The following SGTB variants were observed in gnomAD, a reference collection of about 807,000 sequenced individuals.
SGTB encodes the protein small glutamine-rich tetratricopeptide repeat-containing protein beta.
A neutral mutation model predicts 43.9 loss-of-function variants in SGTB; 19 were observed. The ratio of observed to expected loss-of-function variants is 0.43; its 90% confidence interval spans 0.30 to 0.63. The LOEUF is 0.63. SGTB is among the 30% of genes least tolerant of loss of function. The pLI is 0.12. For synonymous variants in SGTB, 116 were observed against 117.3 expected (o/e 0.99, Z 0.07); for missense variants, 304 against 358.9 (o/e 0.85, Z 1.24).
At chr5:65,701,659 G>A (rs1340762013) in intron 5 of SGTB, among the ~76,000 whole-genome samples, 1 of 138,178 alleles carries the variant, frequency 7.2e-6, no homozygotes, top group African/African-American at 2.7e-5. Context: ...TTGAGACAGA[G>A]TCTCACTCTG....
At chr5:65,688,955 G>A (rs970376052) in intron 5 of SGTB, among the ~76,000 whole-genome samples, 7 of 152,080 alleles carry the variant, frequency 4.6e-5, no homozygotes, top group Middle Eastern at 3.4e-3. Context: ...GATTACAGGC[G>A]CCCGCCACCA....
chr5:65,686,801 A>G (rs1192179296), intron 5 of SGTB, among the ~76,000 whole-genome samples: 1 of 152,226 alleles, frequency 6.6e-6, no homozygotes, highest in East Asian at 1.9e-4. Context: ...GAAAACAATA[A>G]AGCTGATTAA....
At chr5:65,702,406 T>G (rs868541094) in intron 5 of SGTB, among the ~76,000 whole-genome samples, 11 of 152,204 alleles carry the variant, frequency 7.2e-5, no homozygotes, top group African/African-American at 2.4e-4. Flanking sequence ...CTCTCTTCCT[T>G]CTACCCTTCA....
rs140583543 is a variant in SGTB at position 65,687,241 on chromosome 5, G to A, written c.375-1769C>T. Among the ~76,000 whole-genome samples the A allele has an allele frequency of 6.6e-5, 10 of 152,300 alleles. No homozygotes were observed. In the East Asian group the frequency reaches 1.2e-3, roughly 18 times the overall value. On this transcript the variant is annotated intron_variant, in intron 5 of 10. Transcript: ENST00000381007. ...CACAAAGCAGATTAACAACATGTGA[G>A]TCTGGATCACTGACTTTTCCCCATC...
chr5:65,687,965 C>T (rs577119066), intron 5 of SGTB, among the ~76,000 whole-genome samples: 16 of 152,164 alleles, frequency 1.1e-4, no homozygotes, highest in African/African-American at 1.7e-4. Context: ...GACAGGGTTT[C>T]GCCATGTTGG....
At chr5:65,673,892 G>C (rs1581244320) in intron 8 of SGTB, among the ~76,000 whole-genome samples, 1 of 152,170 alleles carries the variant, frequency 6.6e-6, no homozygotes, top group Non-Finnish European at 1.5e-5. Flanking sequence ...CTGACCTCAA[G>C]TGCTCCGCCC....
chr5:65,679,434 T>C (rs1757349675), intron 8 of SGTB, among the ~76,000 whole-genome samples: 1 of 152,122 alleles, frequency 6.6e-6, no homozygotes, highest in Non-Finnish European at 1.5e-5. Context: ...CTGGTCAGCA[T>C]GGTGAAACCC....
In SGTB at chr5:65,670,211, A is replaced by G; in HGVS notation, c.*35T>C. ...ACAAATACTTCATTCATAGCCATAA[A>G]CCATTTGTATCTTGGGCTTGAGCCC... On this transcript the variant is annotated 3_prime_UTR_variant, in exon 11 of 11. Transcript: ENST00000381007. The G allele has an allele frequency of 3.8e-6, 6 of 1,591,676 alleles. No individual in the cohort carries two copies. Among genetic ancestry groups the G allele is most frequent in the Non-Finnish European group, 1.7e-6 (2 of 1,159,996 alleles).
In SGTB at chr5:65,668,021, T is replaced by G. The variant is rs1418924785; in HGVS notation, c.*2225A>C. 7 of 151,398 alleles carry G rather than the reference T, an allele frequency of 4.6e-5. No homozygotes were observed. The highest frequency in any genetic ancestry group is 1.7e-4 in the African/African-American group (7 of 41,124). 9.4% of individuals were successfully genotyped at this position (151,398 alleles called of 1,614,324 possible). A position where few individuals can be genotyped will look rare whatever the true frequency, so the allele number is the denominator to read the frequency against. Reference sequence around the variant, plus strand: ...AGGCTGGAGTGCAGTGGCGCAATCTTGGCTCACTGCAACCTCTGCCTCTCA... The same window carrying G: ...AGGCTGGAGTGCAGTGGCGCAATCTGGGCTCACTGCAACCTCTGCCTCTCA... On this transcript the variant is annotated 3_prime_UTR_variant, in exon 11 of 11. Transcript: ENST00000381007.
chr5:65,706,452 T>G (rs1757935163), intron 4 of SGTB, among the ~76,000 whole-genome samples: 1 of 151,678 alleles, frequency 6.6e-6, no homozygotes, highest in East Asian at 1.9e-4. Flanking sequence ...ATAATGTATA[T>G]ATACATACCA....
At chr5:65,681,839 G>A (rs1000626871) in intron 6 of SGTB, among the ~76,000 whole-genome samples, 2 of 152,022 alleles carry the variant, frequency 1.3e-5, no homozygotes, top group African/African-American at 4.8e-5. Context: ...GCCAAGCATG[G>A]TGGCAGACGC....
intron 6 of SGTB, among the ~76,000 whole-genome samples, chr5:65,683,684 G>GGCTGGGTGCAGTGGCTAAC (rs75253919): frequency 6.6e-6 from 1 of 151,784 alleles, no homozygotes; most frequent in Non-Finnish European, 1.5e-5. Flanking sequence ...AGTTAATAGT[G>GGCTGGGTGCAGTGGCTAAC]GCCTGTAATC....
chr5:65,701,925 G>A (rs1241821824), intron 5 of SGTB, among the ~76,000 whole-genome samples: 5 of 152,150 alleles, frequency 3.3e-5, no homozygotes, highest in African/African-American at 9.7e-5. Flanking sequence ...GGGCCACTGC[G>A]CCCGGCCTAA....
At chr5:65,712,524 C>T (rs1273100688) in intron 3 of SGTB, among the ~76,000 whole-genome samples, 2 of 152,232 alleles carry the variant, frequency 1.3e-5, no homozygotes, top group Non-Finnish European at 2.9e-5. Context: ...ATGAATTCTG[C>T]TTCAGAAATG....
chr5:65,720,647 C>T (rs1339654011), intron 2 of SGTB, 61 bp downstream of exon 2: 3 of 1,560,542 alleles, frequency 1.9e-6, no homozygotes, highest in South Asian at 1.2e-5. Flanking sequence ...GTTGGGCTTA[C>T]AGCTATTTTA....
At position 65,672,290 on chromosome 5, in the gene SGTB, G is replaced by A; in HGVS notation, c.682-9C>T. On this transcript the variant is annotated splice_polypyrimidine_tract_variant and intron_variant, in intron 8 of 10. Transcript: ENST00000381007. ...TGCATTAAACTTGCCGCCTGGAATT[G>A]AAAAACAGCACCTCCCATTAAAGGC... is the stretch of plus-strand genomic sequence containing the variant. 6.2e-7 allele frequency: 1 copy of A among 1,613,910 alleles called. No individual in the cohort carries two copies.
chr5:65,669,983 T>C lies in SGTB; in HGVS notation c.*263A>G. The C allele has an allele frequency of 2.9e-6, 1 of 342,708 alleles. No individual in the cohort carries two copies. Among genetic ancestry groups the C allele is most frequent in the Non-Finnish European group, 5.3e-6 (1 of 189,850 alleles). The allele number at this position is 342,708 out of a possible 1,614,324, so 21.2% of individuals were successfully genotyped here. On this transcript the variant is annotated 3_prime_UTR_variant, in exon 11 of 11. Coordinates refer to ENST00000381007, the MANE Select transcript of SGTB (RefSeq NM_019072.3). The stretch of plus-strand genomic sequence containing the variant: ...ATGATAGAAGTTTGAAAATGGAACC[T>C]TATCCCAGTGCTATATTGGCACGTA...
intron 5 of SGTB, among the ~76,000 whole-genome samples, chr5:65,697,371 T>C (rs1561160340): frequency 2.0e-5 from 3 of 151,904 alleles, no homozygotes; most frequent in Non-Finnish European, 4.4e-5. Flanking sequence ...CTGGTGGATA[T>C]AAGACTATTC....
At chr5:65,690,091 A>C (rs546583227) in intron 5 of SGTB, among the ~76,000 whole-genome samples, 7 of 150,708 alleles carry the variant, frequency 4.6e-5, no homozygotes, top group Non-Finnish European at 7.4e-5. Context: ...AAAAAAAATC[A>C]ATCCAATAGA....
Sources: allele counts gnomAD v4.1 joint callset (sites outside exome capture counted in the v4.1 genomes callset), GRCh38; gene constraint gnomAD v4.1.1; transcripts MANE v1.5; gene names NCBI Gene and HGNC (gene_info 2026-07-23, HGNC 2026-07-21).